The following EIF4G3 variants were observed in gnomAD, a reference collection of about 807,000 sequenced individuals.
EIF4G3 encodes the protein eukaryotic translation initiation factor 4 gamma 3, also known as eIF-4-gamma 3.
In EIF4G3, 34 loss-of-function variants were observed where a neutral mutation model predicts 186.4. That is an observed-to-expected ratio of 0.18 (90% CI 0.14 to 0.24). The LOEUF is 0.24. EIF4G3 is among the 10% of genes least tolerant of loss of function. EIF4G3 has a pLI of 1.00. For missense variants in EIF4G3, 1,536 were observed against 1,948.5 expected (o/e 0.79, Z 3.99); for synonymous variants, 673 against 679.5 (o/e 0.99, Z 0.15).
At chr1:20,965,801 C>T (rs1029957197) in intron 12 of EIF4G3, among the ~76,000 whole-genome samples, 1 of 149,890 alleles carries the variant, frequency 6.7e-6, no homozygotes, top group Non-Finnish European at 1.5e-5. Flanking sequence ...ATTCATTGCG[C>T]ACCAGGCACT....
chr1:20,926,266 T>A (rs1338089523), intron 14 of EIF4G3, among the ~76,000 whole-genome samples: 1 of 152,174 alleles, frequency 6.6e-6, no homozygotes, highest in Non-Finnish European at 1.5e-5. Flanking sequence ...GCAAGTATCA[T>A]CTCCTCCATG....
At chr1:20,882,926 A>C (rs1419761149) in intron 19 of EIF4G3, among the ~76,000 whole-genome samples, 1 of 150,866 alleles carries the variant, frequency 6.6e-6, no homozygotes, top group African/African-American at 2.4e-5. Context: ...TGGTCTCTAC[A>C]AAAAAATCAG....
At chr1:20,949,951 T>C in intron 13 of EIF4G3, 52 bp downstream of exon 13, 1 of 1,440,924 alleles carries the variant, frequency 6.9e-7, no homozygotes, top group African/African-American at 1.4e-5. Flanking sequence ...GGCAATGTAA[T>C]TAATAAAAAA....
chr1:21,059,006 G>A (rs1357495513), intron 3 of EIF4G3, among the ~76,000 whole-genome samples: 3 of 151,716 alleles, frequency 2.0e-5, no homozygotes, highest in African/African-American at 7.3e-5. Flanking sequence ...TAATATGAAT[G>A]AAAACATACT....
intron 3 of EIF4G3, among the ~76,000 whole-genome samples, chr1:21,060,228 G>A (rs2094819008): frequency 6.6e-6 from 1 of 152,218 alleles, no homozygotes; most frequent in Non-Finnish European, 1.5e-5. Flanking sequence ...GAAATTACAG[G>A]CGTGCGTCAC....
chr1:20,862,538 G>A (rs1228189062), intron 22 of EIF4G3, among the ~76,000 whole-genome samples: 2 of 152,082 alleles, frequency 1.3e-5, no homozygotes, highest in African/African-American at 4.8e-5. Flanking sequence ...TCAGCCTCTC[G>A]AGTAGCTGGG....
intron 2 of EIF4G3, among the ~76,000 whole-genome samples, chr1:21,115,709 G>T (rs951504692): frequency 6.6e-6 from 1 of 151,680 alleles, no homozygotes; most frequent in Non-Finnish European, 1.5e-5. Context: ...AGAATAATTT[G>T]TTGTTGTTGT....
intron 14 of EIF4G3, 98 bp downstream of exon 14, chr1:20,941,393 T>C: frequency 6.2e-7 from 1 of 1,610,754 alleles, no homozygotes; most frequent in Non-Finnish European, 8.5e-7. Context: ...TCATTCGATG[T>C]TTCTGGAAGT....
intron 14 of EIF4G3, among the ~76,000 whole-genome samples, chr1:20,914,794 T>C (rs990096405): frequency 4.6e-5 from 7 of 152,224 alleles, no homozygotes; most frequent in Non-Finnish European, 1.0e-4. Context: ...CTCACTGATT[T>C]CCAACTTGAA....
intron 23 of EIF4G3, among the ~76,000 whole-genome samples, chr1:20,861,588 T>C (rs1339531427): frequency 2.0e-5 from 3 of 152,204 alleles, no homozygotes; most frequent in Non-Finnish European, 4.4e-5. Flanking sequence ...GTATTTACTG[T>C]GGAGATGAGA....
intron 4 of EIF4G3, 22 bp downstream of exon 4, chr1:21,050,837 CTTATTTT>C (rs750687891): frequency 5.8e-5 from 40 of 688,948 alleles, no homozygotes; most frequent in Non-Finnish European, 1.1e-4. Flanking sequence ...AGGGACATTT[CTTATTTT>C]TTTAAAAAAG....
intron 11 of EIF4G3, among the ~76,000 whole-genome samples, chr1:20,971,512 G>C (rs1358578182): frequency 6.6e-6 from 1 of 152,148 alleles, no homozygotes; most frequent in Non-Finnish European, 1.5e-5. Flanking sequence ...CATTACCAAA[G>C]CATATAGTTT....
At position 20,817,448 on chromosome 1, in the gene EIF4G3, C is replaced by T. The variant is rs769621340; in HGVS notation, c.4459G>A (p.Glu1487Lys). Reference protein sequence around the residue: ...LSAEELYKRLEKLIIEDKAND... With the variant: ...LSAEELYKRLKKLIIEDKAND... ...GCTTTGTCCTCAATAATGAGTTTCTCGAGTCGCTTATACAGCTCTTCGGCA... is the reference window on the plus strand; with the variant it reads ...GCTTTGTCCTCAATAATGAGTTTCTTGAGTCGCTTATACAGCTCTTCGGCA... Residue 1487 changes from glutamate (E) to lysine (K), a missense_variant, in exon 34 of 37, where the codon GAG becomes AAG. Glu to Lys is a moderately conservative substitution (Grantham distance 56). This residue lies in a region of EIF4G3 where 395 missense variants were observed against 498.9 expected (regional missense o/e 0.79). Coordinates refer to ENST00000602326, the MANE Select transcript of EIF4G3 (RefSeq NM_001391906.1). 1.2e-6 allele frequency: 2 copies of T among 1,609,456 alleles called. No individual in the cohort carries two copies. Among genetic ancestry groups the T allele is most frequent in the South Asian group, 2.2e-5 (2 of 90,402 alleles).
chr1:20,808,040 C>T (rs931841654), intron 36 of EIF4G3, among the ~76,000 whole-genome samples: 1 of 151,956 alleles, frequency 6.6e-6, no homozygotes, highest in Admixed American at 6.6e-5. Context: ...CCGGCCACCA[C>T]AGTCAGCTAA....
At chr1:20,898,572 T>C (rs1172240182) in intron 16 of EIF4G3, among the ~76,000 whole-genome samples, 1 of 152,226 alleles carries the variant, frequency 6.6e-6, no homozygotes, top group Admixed American at 6.5e-5. Flanking sequence ...TTGTGACCTA[T>C]TAATTTCACA....
intron 29 of EIF4G3, 32 bp from the exon 30 acceptor site, chr1:20,841,060 A>G: frequency 5.6e-6 from 9 of 1,609,308 alleles, no homozygotes; most frequent in Non-Finnish European, 7.6e-6. Context: ...GTTTACTCCA[A>G]AATCTGAATA....
chr1:21,124,741 T>C (rs539591310), intron 2 of EIF4G3, among the ~76,000 whole-genome samples: 26 of 152,186 alleles, frequency 1.7e-4, no homozygotes, highest in Non-Finnish European at 2.9e-4. Context: ...AGTACATACC[T>C]AAACAGTTAA....
intron 19 of EIF4G3, among the ~76,000 whole-genome samples, chr1:20,884,097 A>C (rs1156989366): frequency 1.3e-5 from 2 of 152,218 alleles, no homozygotes; most frequent in Non-Finnish European, 2.9e-5. Context: ...AAGGGAAGGC[A>C]ACAAAGCAAG....
chr1:20,988,454 G>C (rs557861509), intron 7 of EIF4G3: 2 of 168,036 alleles, frequency 1.2e-5, no homozygotes, highest in African/African-American at 4.8e-5. Context: ...GGCTAATGTA[G>C]CTGGTGACTT....
Sources: allele counts gnomAD v4.1 joint callset (sites outside exome capture counted in the v4.1 genomes callset), GRCh38; gene constraint gnomAD v4.1.1; regional missense constraint gnomAD v4.1.1; transcripts MANE v1.5; gene names NCBI Gene and HGNC (gene_info 2026-07-23, HGNC 2026-07-21).